NDUFS1: variants seen among roughly 807,000 people sequenced by gnomAD.
NDUFS1 encodes the protein NADH-ubiquinone oxidoreductase 75 kDa subunit, mitochondrial.
A neutral mutation model predicts 84.4 loss-of-function variants in NDUFS1; 61 were observed. The observed-to-expected ratio is 0.72, with a 90% CI of 0.59 to 0.89. The LOEUF is 0.89. Among genes scored for constraint, NDUFS1 ranks in the 40% least tolerant of loss-of-function variants. NDUFS1 has a pLI of 0.00. For synonymous variants in NDUFS1, 275 were observed against 290.0 expected, an observed-to-expected ratio of 0.95 and a Z score of 0.53; for missense variants, 891 against 890.0, an observed-to-expected ratio of 1.00 and a Z score of -0.01.
intron 13 of NDUFS1, among the ~76,000 whole-genome samples, chr2:206,138,281 G>A (rs574324847): frequency 7.2e-5 from 11 of 152,146 alleles, no homozygotes; most frequent in African/African-American, 1.2e-4. Flanking sequence ...GGGTTTCACC[G>A]TGTTGCCCAG....
chr2:206,159,264 G>A, intron 1 of NDUFS1, 77 bp downstream of exon 1: 1 of 883,186 alleles, frequency 1.1e-6, no homozygotes, highest in Non-Finnish European at 1.8e-6. Context: ...CGTCGCGTGG[G>A]CCAAAGGAAA....
chr2:206,143,111 G>C (rs1302350862), intron 10 of NDUFS1, among the ~76,000 whole-genome samples: 1 of 152,102 alleles, frequency 6.6e-6, no homozygotes, highest in Non-Finnish European at 1.5e-5. Flanking sequence ...AATCAGCTGG[G>C]CATGGTGGCA....
intron 13 of NDUFS1, among the ~76,000 whole-genome samples, chr2:206,135,678 AAAAAAAG>A (rs532672483): frequency 1.4e-4 from 22 of 152,224 alleles, no homozygotes; most frequent in African/African-American, 4.1e-4. Context: ...CTGTCTCAAA[AAAAAAAG>A]AAAAAAGAAA....
intron 1 of NDUFS1, among the ~76,000 whole-genome samples, chr2:206,157,108 C>T (rs550043203): frequency 1.3e-5 from 2 of 152,292 alleles, no homozygotes; most frequent in East Asian, 1.9e-4. Context: ...CCTGTCATCA[C>T]GCCCGGCTAA....
At chr2:206,136,205 C>A (rs191007508) in intron 13 of NDUFS1, among the ~76,000 whole-genome samples, 1 of 151,584 alleles carries the variant, frequency 6.6e-6, no homozygotes, top group Admixed American at 6.6e-5. Context: ...CCACTACAAC[C>A]GGCTAATTTT....
At chr2:206,143,711 C>T (rs1692051400) in intron 10 of NDUFS1, among the ~76,000 whole-genome samples, 1 of 152,048 alleles carries the variant, frequency 6.6e-6, no homozygotes. Flanking sequence ...GGCATTCCTC[C>T]TACGTGCTCT....
chr2:206,125,530 T>C (rs1220273322), intron 18 of NDUFS1, among the ~76,000 whole-genome samples: 2 of 150,928 alleles, frequency 1.3e-5, no homozygotes, highest in Non-Finnish European at 2.9e-5. Flanking sequence ...TAAATAACAA[T>C]AGTTAATTAA....
Position 206,128,981 on chromosome 2 carries a change from A to G in NDUFS1, c.1709-1009T>C, listed in dbSNP as rs1016790125. Among the ~76,000 whole-genome samples, 3 of 152,250 alleles carry G rather than the reference A, an allele frequency of 2.0e-5. No individual in the cohort carries two copies. The South Asian group carries it at 6.2e-4, about 32-fold the overall frequency. On this transcript the variant is annotated intron_variant, in intron 15 of 18. Transcript: ENST00000233190. ...AATGGGGGAGGATGCAAAGACAGGA[A>G]TATGACAGTAATACTGAAAAAGGCA...
chr2:206,155,251 C>T (rs936897049), intron 1 of NDUFS1, among the ~76,000 whole-genome samples: 2 of 150,856 alleles, frequency 1.3e-5, no homozygotes, highest in African/African-American at 2.4e-5. Flanking sequence ...CCTGAGTAAC[C>T]GGGACAGGTG....
chr2:206,141,397 G>A (rs530629739), intron 12 of NDUFS1, among the ~76,000 whole-genome samples: 5 of 151,582 alleles, frequency 3.3e-5, no homozygotes, highest in Admixed American at 2.0e-4. Flanking sequence ...CTGGGTGCAG[G>A]GGCGGGCGCC....
At chr2:206,153,705 T>C (rs1692463445) in intron 1 of NDUFS1, 23 bp from the exon 2 acceptor site, 1 of 1,291,174 alleles carries the variant, frequency 7.7e-7, no homozygotes, top group African/African-American at 1.5e-5. Context: ...CAAAGAATTA[T>C]ATTATTGTAG....
At chr2:206,149,161 A>G in intron 4 of NDUFS1, 65 bp from the exon 5 acceptor site, 2 of 1,177,614 alleles carry the variant, frequency 1.7e-6, no homozygotes, top group Non-Finnish European at 2.5e-6. Context: ...GCAACTCAAT[A>G]TATAAAAATG....
At chr2:206,141,724 C>T (rs900635698) in intron 12 of NDUFS1, among the ~76,000 whole-genome samples, 6 of 147,228 alleles carry the variant, frequency 4.1e-5, no homozygotes, top group Admixed American at 2.7e-4. Context: ...AACCCCATCT[C>T]GAGGCGGAGC....
intron 15 of NDUFS1, among the ~76,000 whole-genome samples, chr2:206,128,969 G>A (rs948367956): frequency 1.3e-5 from 2 of 152,070 alleles, no homozygotes; most frequent in African/African-American, 4.8e-5. Flanking sequence ...GGGGGAGGAT[G>A]CAAAGACAGG....
At position 206,146,959 on chromosome 2, in the gene NDUFS1, A is replaced by T. The variant is rs374073924; in HGVS notation, c.681T>A (p.Pro227=). ...AGGGCTTAGAGGTTAGGGCACCTAC[A>T]GGGCAGATATCAATGATATTCCCAG... ...ELSGNIIDIC[P]VGALTSKPYA... is the part of the protein sequence containing the mutation. The change falls in exon 8 of 19, where the codon CCT becomes CCA. Residue 227 remains proline (P), a synonymous_variant. Coordinates refer to ENST00000233190, the MANE Select transcript of NDUFS1 (RefSeq NM_005006.7). 6.2e-7 allele frequency: 1 copy of T among 1,614,056 alleles called. No individual in the cohort carries two copies. Among genetic ancestry groups the T allele is most frequent in the South Asian group, 1.1e-5 (1 of 91,090 alleles).
At chr2:206,134,400 G>A (rs1240511721) in intron 13 of NDUFS1, among the ~76,000 whole-genome samples, 3 of 152,112 alleles carry the variant, frequency 2.0e-5, no homozygotes, top group Non-Finnish European at 2.9e-5. Context: ...CTGGGAGGCC[G>A]AAGTGGGTGG....
Position 206,124,133 on chromosome 2 carries a change from C to G in NDUFS1, c.*52G>C. The G allele has an allele frequency of 1.8e-6, 2 of 1,133,534 alleles. No individual in the cohort carries two copies. The highest frequency in any genetic ancestry group is 2.7e-6 in the Non-Finnish European group (2 of 741,054). The allele number at this position is 1,133,534 out of a possible 1,614,324, so 70.2% of individuals were successfully genotyped here. On this transcript the variant is annotated 3_prime_UTR_variant, in exon 19 of 19. Coordinates refer to ENST00000233190, the MANE Select transcript of NDUFS1 (RefSeq NM_005006.7). ...AATAAACCTGTAAAGGATCACTGCA[C>G]TACAGTTGTCCATTAATTATCTGCG...
chr2:206,135,344 G>A (rs1691666049), intron 13 of NDUFS1, among the ~76,000 whole-genome samples: 1 of 151,696 alleles, frequency 6.6e-6, no homozygotes, highest in African/African-American at 2.4e-5. Flanking sequence ...GAAGGTAACA[G>A]AATTAATGAA....
Position 206,149,108 on chromosome 2 carries a change from A to G in NDUFS1, c.262-12T>C, listed in dbSNP as rs1377482840. The G allele has an allele frequency of 1.9e-6, 3 of 1,596,464 alleles. No homozygotes were observed. The highest frequency in any genetic ancestry group is 2.6e-6 in the Non-Finnish European group (3 of 1,165,900). ...CAAGCAGCTACAACCTGGGATTTCA[A>G]TGAAAAAAAAAAATGTGTATTTGTA... On this transcript the variant is annotated splice_polypyrimidine_tract_variant and intron_variant, in intron 4 of 18. Coordinates refer to ENST00000233190, the MANE Select transcript of NDUFS1 (RefSeq NM_005006.7).
Sources: gnomAD v4.1 joint callset for allele counts (sites outside exome capture counted in the v4.1 genomes callset) on GRCh38, gnomAD v4.1.1 for gene constraint, MANE v1.5 for transcripts, NCBI Gene and HGNC (gene_info 2026-07-23, HGNC 2026-07-21) for gene names.